KCNMB2: variants seen among roughly 807,000 people sequenced by gnomAD.
KCNMB2 encodes potassium calcium-activated channel subfamily M regulatory beta subunit 2, also known as calcium-activated potassium channel subunit beta-2.
Under a neutral mutation model 24.5 loss-of-function variants are expected in KCNMB2, and 9 were observed. That is an observed-to-expected ratio of 0.37 (90% CI 0.22 to 0.64). The LOEUF is 0.64. KCNMB2 is among the 30% of genes least tolerant of loss of function. The pLI is 0.63. For synonymous variants in KCNMB2, 109 were observed against 104.4 expected, an observed-to-expected ratio of 1.04 and a Z score of -0.27; for missense variants, 226 against 284.3, an observed-to-expected ratio of 0.79 and a Z score of 1.47.
intron 1 of KCNMB2, among the ~76,000 whole-genome samples, chr3:178,705,664 G>C (rs1423770636): frequency 6.6e-6 from 1 of 152,106 alleles, no homozygotes; most frequent in Non-Finnish European, 1.5e-5. Context: ...AAAAAAGAAT[G>C]CTTTTTATAG....
At chr3:178,574,195 CCAAA>C (rs1176747281) in intron 1 of KCNMB2, among the ~76,000 whole-genome samples, 1 of 151,982 alleles carries the variant, frequency 6.6e-6, no homozygotes, top group African/African-American at 2.4e-5. Flanking sequence ...ACCTCTTGCC[CCAAA>C]CAAGGAGATG....
At chr3:178,583,823 G>A (rs1002495010) in intron 1 of KCNMB2, among the ~76,000 whole-genome samples, 8 of 152,200 alleles carry the variant, frequency 5.3e-5, no homozygotes, top group African/African-American at 1.9e-4. Context: ...CAGAGTTAAT[G>A]GTTCCTTTCT....
At chr3:178,626,412 T>C (rs1377839145) in intron 1 of KCNMB2, among the ~76,000 whole-genome samples, 4 of 152,240 alleles carry the variant, frequency 2.6e-5, no homozygotes, top group African/African-American at 9.6e-5. Context: ...AAGTGATCTT[T>C]ATTACAAAGT....
chr3:178,716,440 C>G (rs965206067), intron 1 of KCNMB2, among the ~76,000 whole-genome samples: 1 of 130,246 alleles, frequency 7.7e-6, no homozygotes, highest in African/African-American at 3.0e-5. Flanking sequence ...CTAAAACCTG[C>G]ATTTTTTTTT....
rs114132978 is a variant in KCNMB2, at chr3:178,726,463, T to C, written c.-67-80880T>C. ...TTTACTGATTCTTTTAGAGTAGGTC[T>C]GATGGCAACAAATTCTTTCAGTTTT... On this transcript the variant is annotated intron_variant, in intron 1 of 4. Transcript: ENST00000452583. 6.4e-3 allele frequency among the ~76,000 whole-genome samples: 969 copies of C among 152,170 alleles called. 16 individuals carry two copies. The highest frequency in any genetic ancestry group is 0.022 in the African/African-American group (919 of 41,578).
intron 1 of KCNMB2, among the ~76,000 whole-genome samples, chr3:178,715,102 AAGAG>A (rs1259082167): frequency 6.6e-6 from 1 of 152,298 alleles, no homozygotes; most frequent in African/African-American, 2.4e-5. Context: ...AAAAGAGAGA[AAGAG>A]AGAGTTTGGG....
chr3:178,546,267 A>G (rs555443723), intron 1 of KCNMB2, among the ~76,000 whole-genome samples: 1 of 152,304 alleles, frequency 6.6e-6, no homozygotes, highest in Admixed American at 6.5e-5. Context: ...TTCCCCATTG[A>G]CACGTGGATT....
chr3:178,715,710 A>G (rs1722598256), intron 1 of KCNMB2, among the ~76,000 whole-genome samples: 1 of 152,194 alleles, frequency 6.6e-6, no homozygotes, highest in Non-Finnish European at 1.5e-5. Flanking sequence ...ATTATTTACT[A>G]AACACTATAT....
chr3:178,627,809 G>A (rs1719174384), intron 1 of KCNMB2, among the ~76,000 whole-genome samples: 1 of 152,104 alleles, frequency 6.6e-6, no homozygotes, highest in South Asian at 2.1e-4. Context: ...TTGTATTATG[G>A]GGACAGCAAC....
intron 1 of KCNMB2, chr3:178,795,176 G>T (rs975401713): frequency 1.3e-5 from 2 of 151,896 alleles, no homozygotes; most frequent in Non-Finnish European, 1.5e-5. Flanking sequence ...AAAAGTCTAC[G>T]CAATGTCTGG....
At chr3:178,654,003 A>G (rs1409926639) in intron 1 of KCNMB2, among the ~76,000 whole-genome samples, 5 of 152,122 alleles carry the variant, frequency 3.3e-5, no homozygotes, top group Non-Finnish European at 5.9e-5. Flanking sequence ...GAGTCAGATC[A>G]TCTGTGTAAT....
At chr3:178,613,043 T>G (rs949995844) in intron 1 of KCNMB2, among the ~76,000 whole-genome samples, 1 of 152,240 alleles carries the variant, frequency 6.6e-6, no homozygotes, top group South Asian at 2.1e-4. Context: ...AAACTCACCA[T>G]GACTTTGTCC....
chr3:178,571,760 A>G (rs1030131174), intron 1 of KCNMB2, among the ~76,000 whole-genome samples: 2 of 151,560 alleles, frequency 1.3e-5, no homozygotes, highest in Admixed American at 1.3e-4. Context: ...TTCAACTCCC[A>G]ATTACGAATG....
chr3:178,757,368 ATATAT>A (rs1724122734), intron 1 of KCNMB2, among the ~76,000 whole-genome samples: 1 of 82,360 alleles, frequency 1.2e-5, no homozygotes, highest in African/African-American at 5.0e-5. Flanking sequence ...ATATATATAT[ATATAT>A]CCAAGAGGAT....
chr3:178,655,145 T>C (rs1399103369), intron 1 of KCNMB2, among the ~76,000 whole-genome samples: 3 of 112,194 alleles, frequency 2.7e-5, no homozygotes, highest in African/African-American at 1.1e-4. Flanking sequence ...TCTCTCTCTA[T>C]CTCTATTTCT....
chr3:178,711,419 C>T (rs530188211), intron 1 of KCNMB2, among the ~76,000 whole-genome samples: 6 of 152,240 alleles, frequency 3.9e-5, no homozygotes, highest in Non-Finnish European at 7.4e-5. Context: ...CTACCATACC[C>T]ATCACCCCTT....
chr3:178,689,089 G>T (rs916399464), intron 1 of KCNMB2, among the ~76,000 whole-genome samples: 3 of 152,072 alleles, frequency 2.0e-5, no homozygotes, highest in Admixed American at 2.0e-4. Flanking sequence ...AACAAAGTTA[G>T]CATTCAGAAA....
At chr3:178,665,674 A>G (rs1344647215) in intron 1 of KCNMB2, among the ~76,000 whole-genome samples, 1 of 152,194 alleles carries the variant, frequency 6.6e-6, no homozygotes, top group Non-Finnish European at 1.5e-5. Context: ...AGAATCTGTC[A>G]CCTGCTTAAT....
intron 1 of KCNMB2, among the ~76,000 whole-genome samples, chr3:178,606,032 G>C (rs949833301): frequency 5.3e-5 from 8 of 152,182 alleles, no homozygotes; most frequent in Admixed American, 5.2e-4. Context: ...ATAAACTGTA[G>C]ATTTAATCAG....
Sources: allele counts gnomAD v4.1 joint callset (sites outside exome capture counted in the v4.1 genomes callset), GRCh38; gene constraint gnomAD v4.1.1; transcripts MANE v1.5; gene names NCBI Gene and HGNC (gene_info 2026-07-23, HGNC 2026-07-21).